The following NR2C1 variants were observed in gnomAD, a reference collection of about 807,000 sequenced individuals.
NR2C1 encodes TR2 nuclear hormone receptor.
Under a neutral mutation model 74.8 loss-of-function variants are expected in NR2C1, and 33 were observed. The observed-to-expected ratio is 0.44, with a 90% CI of 0.33 to 0.59. The LOEUF (loss-of-function observed/expected upper bound fraction) is 0.59. Ranked by LOEUF, NR2C1 falls within the 20% of genes least tolerant of loss-of-function variation. NR2C1 has a pLI of 0.02. For synonymous variants in NR2C1, 225 were observed against 240.6 expected (o/e 0.94, Z 0.60); for missense variants, 568 against 715.6 (o/e 0.79, Z 2.35).
In NR2C1 at chr12:95,020,495, T is replaced by C. The variant is rs1024996070; in HGVS notation, c.*1734A>G. 2 of 152,162 alleles carry C rather than the reference T, an allele frequency of 1.3e-5. No homozygotes were observed. Among genetic ancestry groups the C allele is most frequent in the African/African-American group, 4.8e-5 (2 of 41,442 alleles). The allele number at this position is 152,162 out of a possible 1,614,324, so 9.4% of individuals were successfully genotyped here. ...ATACTAAATGTAATTTAGCTGATAATTATAAATAAAATTGTTGACTAAGAT... is the reference window on the plus strand; with the variant it reads ...ATACTAAATGTAATTTAGCTGATAACTATAAATAAAATTGTTGACTAAGAT... On this transcript the variant is annotated 3_prime_UTR_variant, in exon 14 of 14. Transcript: ENST00000333003.
chr12:95,051,056 T>C (rs1362120534), intron 8 of NR2C1, among the ~76,000 whole-genome samples: 2 of 152,238 alleles, frequency 1.3e-5, no homozygotes, highest in East Asian at 3.8e-4. Flanking sequence ...TTTTGTCATT[T>C]AGAATATAAC....
Position 95,047,482 on chromosome 12 carries a change from C to T in NR2C1, c.1131+1586G>A, listed in dbSNP as rs2033091. 5.9e-3 allele frequency among the ~76,000 whole-genome samples: 905 copies of T among 152,150 alleles called. 4 individuals are homozygous for T. Among genetic ancestry groups the T allele is most frequent in the Non-Finnish European group, 9.5e-3 (646 of 68,000 alleles). ...TACATCAAATTACACTATTTTAAGC[C>T]ACTGAGTTTTCTCTGTGGCTATTTC... On this transcript the variant is annotated intron_variant, in intron 9 of 13. Coordinates refer to ENST00000333003, the MANE Select transcript of NR2C1 (RefSeq NM_003297.4).
In NR2C1 at chr12:95,062,661, G is replaced by T. The variant is rs111707411; in HGVS notation, c.132C>A (p.Phe44Leu). The change falls in exon 3 of 14, where the codon TTC becomes TTA. Residue 44 changes from phenylalanine (F) to leucine (L), a missense_variant. Phe to Leu is a conservative substitution (Grantham distance 22, BLOSUM62 0). Transcript: ENST00000333003. The part of the protein sequence containing the change: ...ALDHNTQGKQ[F>L]ILTNHDGSTP... ...TAGAGCCGTCGTGATTTGTCAGAAT[G>T]AACTGCTTGCCTTGGGTATTATGAT... is the stretch of plus-strand genomic sequence containing the variant. 2.5e-6 allele frequency: 4 copies of T among 1,614,128 alleles called. No homozygotes were observed. The African/African-American group carries it at 4.0e-5, about 16-fold the overall frequency.
chr12:95,064,463 G>A (rs527681031), intron 2 of NR2C1, among the ~76,000 whole-genome samples: 2 of 152,176 alleles, frequency 1.3e-5, no homozygotes, highest in South Asian at 4.2e-4. Context: ...AGCCATGCTG[G>A]GGGTGAAAAA....
At chr12:95,035,656 G>A (rs10859824) in intron 10 of NR2C1, among the ~76,000 whole-genome samples, 38,844 of 152,016 alleles carry the variant, frequency 0.26, 5,441 homozygotes, top group Non-Finnish European at 0.27. Flanking sequence ...AAAGAAAAGG[G>A]AAAAGGACTG....
intron 1 of NR2C1, among the ~76,000 whole-genome samples, chr12:95,070,055 C>T (rs1433523341): frequency 6.6e-6 from 1 of 152,226 alleles, no homozygotes; most frequent in Non-Finnish European, 1.5e-5. Context: ...TTCTTCCCAA[C>T]TTCAAATAGG....
intron 10 of NR2C1, among the ~76,000 whole-genome samples, chr12:95,034,019 A>C (rs1431207723): frequency 6.6e-6 from 1 of 152,230 alleles, no homozygotes; most frequent in Non-Finnish European, 1.5e-5. Context: ...CAACTTAATG[A>C]ATGGTACTTA....
chr12:95,053,758 G>A lies in NR2C1; in HGVS notation c.784-1815C>T, dbSNP rs190395432. Among the ~76,000 whole-genome samples, 683 of 141,274 alleles carry A rather than the reference G, an allele frequency of 4.8e-3. 2 individuals are homozygous for A. Among genetic ancestry groups the A allele is most frequent in the Non-Finnish European group, 7.9e-3 (527 of 66,460 alleles). 92.7% of individuals were successfully genotyped at this position (141,274 alleles called of 152,430 possible). On this transcript the variant is annotated intron_variant, in intron 7 of 13. Coordinates refer to ENST00000333003, the MANE Select transcript of NR2C1 (RefSeq NM_003297.4). ...GAGTGCAGTGGTGCGATCTCGGCTC[G>A]CTGCAAGCTCCACCTCCTGGGTTCA...
intron 10 of NR2C1, among the ~76,000 whole-genome samples, chr12:95,033,400 T>C (rs913600648): frequency 1.1e-4 from 17 of 152,006 alleles, no homozygotes; most frequent in Admixed American, 5.9e-4. Context: ...GTGGTGACAT[T>C]TGACTGGAGA....
Position 95,031,456 on chromosome 12 carries a change from T to C in NR2C1, c.1286A>G (p.Tyr429Cys). ...QENSISLVKA[Y>C]WNELFTLGLA... The stretch of plus-strand genomic sequence containing the variant: ...ACCAAGAGTAAAAAGTTCATTCCAG[T>C]AAGCTTTCACCAGTGATATGCTGTT... The change falls in exon 11 of 14, where the codon TAC (tyrosine) becomes TGC (cysteine). Residue 429 changes from tyrosine (Y) to cysteine (C), a missense_variant. Physicochemically the swap from Tyr to Cys is radical, Grantham distance 194 (BLOSUM62 -2). Around this residue, in one of 6 missense-constraint regions of NR2C1, gnomAD observed 39 missense variants for 64.6 expected, o/e 0.60. Transcript: ENST00000333003. The C allele has an allele frequency of 6.2e-7, 1 of 1,605,242 alleles. No homozygotes were observed. Among genetic ancestry groups the C allele is most frequent in the Non-Finnish European group, 8.5e-7 (1 of 1,176,578 alleles).
chr12:95,026,306 G>A (rs984991388), intron 12 of NR2C1, among the ~76,000 whole-genome samples: 4 of 151,568 alleles, frequency 2.6e-5, no homozygotes, highest in Non-Finnish European at 4.4e-5. Context: ...AGGTAAAAAG[G>A]TATATAAGAA....
chr12:95,026,117 G>A (rs1361122181), intron 12 of NR2C1, among the ~76,000 whole-genome samples: 1 of 151,432 alleles, frequency 6.6e-6, no homozygotes, highest in Non-Finnish European at 1.5e-5. Context: ...TGAGGCAGGA[G>A]AATCGCTTGA....
chr12:95,072,469 AAAAAAG>A (rs905001013), intron 1 of NR2C1, among the ~76,000 whole-genome samples: 2 of 150,718 alleles, frequency 1.3e-5, no homozygotes, highest in African/African-American at 4.9e-5. Context: ...AAAAAAAAAA[AAAAAAG>A]AAAAAAAAAT....
chr12:95,069,620 T>C (rs1876285079), intron 1 of NR2C1, among the ~76,000 whole-genome samples: 1 of 152,218 alleles, frequency 6.6e-6, no homozygotes, highest in South Asian at 2.1e-4. Flanking sequence ...GGGATGCTTT[T>C]CTCAGAACAC....
intron 10 of NR2C1, 138 bp downstream of exon 10, chr12:95,040,338 A>G: frequency 1.4e-6 from 1 of 740,316 alleles, no homozygotes. Flanking sequence ...ATGATTTGTC[A>G]TTTGAATGAC....
chr12:95,051,874 T>G lies in NR2C1; in HGVS notation c.853A>C (p.Thr285Pro). 1.2e-6 allele frequency: 2 copies of G among 1,612,200 alleles called. No homozygotes were observed. Among genetic ancestry groups the G allele is most frequent in the Non-Finnish European group, 1.7e-6 (2 of 1,179,508 alleles). Residue 285 changes from threonine to proline, a missense_variant, in exon 8 of 14, where the codon ACT becomes CCT. Physicochemically the swap from Thr to Pro is conservative, Grantham distance 38. Around this residue, in one of 6 missense-constraint regions of NR2C1, gnomAD observed 239 missense variants for 232.3 expected, o/e 1.03. Transcript: ENST00000333003. ...VVTSLANLGK[T>P]KDLSQNSNEM... Reference sequence around the variant, plus strand: ...TTACTATTTTGAGAAAGATCTTTAGTTTTTCCAAGATTCGCTAATGATGTA... The same window carrying G: ...TTACTATTTTGAGAAAGATCTTTAGGTTTTCCAAGATTCGCTAATGATGTA...
intron 10 of NR2C1, among the ~76,000 whole-genome samples, chr12:95,039,527 T>C (rs1871248412): frequency 6.6e-6 from 1 of 152,250 alleles, no homozygotes; most frequent in South Asian, 2.1e-4. Flanking sequence ...ACACACCAGT[T>C]ATTTTAAAAC....
chr12:95,056,378 T>C (rs1026660842), intron 7 of NR2C1, among the ~76,000 whole-genome samples: 1 of 152,224 alleles, frequency 6.6e-6, no homozygotes, highest in Admixed American at 6.5e-5. Context: ...AAAGGGCTTC[T>C]GACAAGTACA....
At chr12:95,063,639 G>C (rs192755352) in intron 2 of NR2C1, among the ~76,000 whole-genome samples, 171 of 150,634 alleles carry the variant, frequency 1.1e-3, no homozygotes, top group African/African-American at 4.2e-3. Context: ...CCAGGAGTTC[G>C]AGACCAGACT....
Sources: gnomAD v4.1 joint callset for allele counts (sites outside exome capture counted in the v4.1 genomes callset) on GRCh38, gnomAD v4.1.1 for gene constraint, gnomAD v4.1.1 regional missense constraint, MANE v1.5 for transcripts, NCBI Gene and HGNC (gene_info 2026-07-23, HGNC 2026-07-21) for gene names.